The following ANXA10 variants were observed in gnomAD, a reference collection of about 807,000 sequenced individuals.
ANXA10 encodes annexin A10, also known as annexin 14.
ANXA10 carries 49 observed loss-of-function variants against 53.5 expected under a neutral mutation model. That is an observed-to-expected ratio of 0.92 (90% confidence interval 0.73 to 1.16). The LOEUF is 1.16. ANXA10 is among the 50% of genes most tolerant of loss of function. The pLI, the probability that ANXA10 is intolerant of heterozygous loss-of-function variation, is 0.00. For synonymous variants in ANXA10, 131 were observed against 128.9 expected, an observed-to-expected ratio of 1.02 and a Z score of -0.11; for missense variants, 393 against 394.4, an observed-to-expected ratio of 1.00 and a Z score of 0.03.
intron 3 of ANXA10, among the ~76,000 whole-genome samples, chr4:168,157,336 C>T (rs906299821): frequency 5.3e-5 from 8 of 151,860 alleles, no homozygotes; most frequent in African/African-American, 1.7e-4. Context: ...GGCATGATCT[C>T]GGCTCACTGC....
At chr4:168,106,897 G>C (rs1730728599) in intron 1 of ANXA10, among the ~76,000 whole-genome samples, 1 of 152,064 alleles carries the variant, frequency 6.6e-6, no homozygotes, top group African/African-American at 2.4e-5. Flanking sequence ...TCAGAAAAAA[G>C]AAAGTTAAAT....
intron 2 of ANXA10, among the ~76,000 whole-genome samples, chr4:168,135,243 C>A (rs1435912118): frequency 2.0e-5 from 3 of 152,152 alleles, no homozygotes; most frequent in African/African-American, 7.2e-5. Context: ...TCTGTGATTG[C>A]TAATTGGCAC....
intron 3 of ANXA10, among the ~76,000 whole-genome samples, chr4:168,158,940 C>G (rs545227784): frequency 2.0e-5 from 3 of 152,236 alleles, no homozygotes; most frequent in Admixed American, 1.3e-4. Context: ...CTTAAAGAGC[C>G]TGGCAGCTCC....
chr4:168,168,952 C>T (rs1731931961), intron 6 of ANXA10, among the ~76,000 whole-genome samples: 1 of 152,146 alleles, frequency 6.6e-6, no homozygotes, highest in African/African-American at 2.4e-5. Context: ...GGTTTGGCTA[C>T]ATAGTTCATA....
rs1402293468 is a variant in ANXA10, at chr4:168,179,312, G to T, written c.724G>T (p.Val242Phe). ...CTTTCAGGAGCTGCTGGTTGCAATT[G>T]GTAAGTAATAAATTATTTGAAGCAC... ...GYFQELLVAI[V>F]LCVRDKPAYF... Residue 242 changes from valine (V) to phenylalanine (F), a missense_variant and splice_region_variant, in exon 9 of 12, where the codon GTT becomes TTT. Transcript: ENST00000359299. 1.3e-6 allele frequency: 2 copies of T among 1,593,278 alleles called. No individual in the cohort carries two copies. The highest frequency in any genetic ancestry group is 1.7e-6 in the Non-Finnish European group (2 of 1,163,336).
chr4:168,128,095 C>T lies in ANXA10; in HGVS notation c.30C>T (p.Thr10=). The part of the protein sequence containing the change: MFCGDYVQG[T]IFPAPNFNPI... The stretch of plus-strand genomic sequence containing the variant: ...GATTTTCCCACCAGGTGCAAGGAAC[C>T]ATCTTCCCAGCTCCCAATTTCAATC... Residue 10 remains threonine (T), a synonymous_variant, in exon 2 of 12, where the codon ACC becomes ACT. Coordinates refer to ENST00000359299, the MANE Select transcript of ANXA10 (RefSeq NM_007193.5). The T allele has an allele frequency of 6.2e-7, 1 of 1,612,936 alleles. No homozygotes were observed.
intron 1 of ANXA10, among the ~76,000 whole-genome samples, chr4:168,095,792 G>C (rs10213303): frequency 7.2e-5 from 11 of 151,850 alleles, no homozygotes; most frequent in Non-Finnish European, 1.3e-4. Context: ...GACAGATACA[G>C]AGGATTCTGT....
chr4:168,139,080 G>GT (rs1731285082), intron 2 of ANXA10, among the ~76,000 whole-genome samples: 1 of 152,036 alleles, frequency 6.6e-6, no homozygotes, highest in Non-Finnish European at 1.5e-5. Flanking sequence ...CAATTTGGGT[G>GT]TTTTTTATTT....
chr4:168,181,796 A>G (rs980105629), intron 10 of ANXA10, 55 bp downstream of exon 10: 3 of 1,276,786 alleles, frequency 2.3e-6, no homozygotes, highest in African/African-American at 3.0e-5. Flanking sequence ...TGTTTTCTCA[A>G]AGGATTAATT....
chr4:168,116,706 AC>A (rs1311318095), intron 1 of ANXA10, among the ~76,000 whole-genome samples: 4 of 152,122 alleles, frequency 2.6e-5, no homozygotes, highest in African/African-American at 7.2e-5. Context: ...ACTGAGAAAA[AC>A]ATCCCATTAT....
chr4:168,155,823 ATATATGATATAT>A lies in ANXA10; in HGVS notation c.196-6704_196-6693del, dbSNP rs1731629668. ...TATAATATATGATATATTATATATG[ATATATGATATAT>A]CATATATAATATAATATATCATATA... On this transcript the variant is annotated intron_variant, in intron 3 of 11. Coordinates refer to ENST00000359299, the MANE Select transcript of ANXA10 (RefSeq NM_007193.5). Among the ~76,000 whole-genome samples, 3 of 7,366 alleles carry A rather than the reference ATATATGATATAT, an allele frequency of 4.1e-4. No homozygotes were observed. The South Asian group carries it at 0.022, about 53-fold the overall frequency. The allele number at this position is 7,366 out of a possible 152,430, so 4.8% of individuals were successfully genotyped here. A position where few individuals can be genotyped will look rare whatever the true frequency, so the allele number is the denominator to read the frequency against.
chr4:168,137,895 T>C (rs1364526371), intron 2 of ANXA10, among the ~76,000 whole-genome samples: 3 of 152,130 alleles, frequency 2.0e-5, no homozygotes, highest in Non-Finnish European at 4.4e-5. Context: ...CTAATTTACA[T>C]TTCCACCAAC....
intron 1 of ANXA10, among the ~76,000 whole-genome samples, chr4:168,120,389 G>T (rs1730965226): frequency 6.6e-6 from 1 of 151,912 alleles, no homozygotes; most frequent in South Asian, 2.1e-4. Context: ...TCACTCATAA[G>T]CACATCTTGG....
chr4:168,174,375 C>T (rs1469560827), intron 6 of ANXA10, among the ~76,000 whole-genome samples: 1 of 152,204 alleles, frequency 6.6e-6, no homozygotes, highest in Non-Finnish European at 1.5e-5. Flanking sequence ...TTGTGACATG[C>T]CTGGTCCAGC....
intron 2 of ANXA10, among the ~76,000 whole-genome samples, chr4:168,134,096 A>C (rs1731196941): frequency 6.6e-6 from 1 of 152,120 alleles, no homozygotes; most frequent in South Asian, 2.1e-4. Flanking sequence ...AATCAGTATC[A>C]CTTCTTCAAT....
chr4:168,132,561 T>C (rs1731171741), intron 2 of ANXA10, among the ~76,000 whole-genome samples: 1 of 152,060 alleles, frequency 6.6e-6, no homozygotes, highest in East Asian at 1.9e-4. Flanking sequence ...AACATACTAT[T>C]TGATAGCACA....
chr4:168,174,584 C>T (rs1469933367), intron 6 of ANXA10, among the ~76,000 whole-genome samples: 6 of 152,174 alleles, frequency 3.9e-5, no homozygotes, highest in South Asian at 2.1e-4. Context: ...AAGCCCAGGG[C>T]GAGCAAGGCC....
At chr4:168,135,046 T>C (rs1275966236) in intron 2 of ANXA10, among the ~76,000 whole-genome samples, 1 of 152,194 alleles carries the variant, frequency 6.6e-6, no homozygotes, top group African/African-American at 2.4e-5. Flanking sequence ...AGAAAAATTA[T>C]ACCAGATGGA....
At chr4:168,125,653 CT>C (rs2149469265) in intron 1 of ANXA10, among the ~76,000 whole-genome samples, 1 of 152,230 alleles carries the variant, frequency 6.6e-6, no homozygotes, top group South Asian at 2.1e-4. Context: ...ATTTTTTCAA[CT>C]TCACGTGCAA....
Sources: allele counts gnomAD v4.1 joint callset (sites outside exome capture counted in the v4.1 genomes callset), GRCh38; gene constraint gnomAD v4.1.1; transcripts MANE v1.5; gene names NCBI Gene and HGNC (gene_info 2026-07-23, HGNC 2026-07-21).